Variants in HS6ST3 observed in about 807,000 individuals in gnomAD.
HS6ST3 encodes heparan sulfate 6-O-sulfotransferase 3.
In HS6ST3, 12 loss-of-function variants were observed where a neutral mutation model predicts 36.7. The observed-to-expected ratio is 0.33, with a 90% CI of 0.21 to 0.53. HS6ST3 has a LOEUF of 0.53. HS6ST3 is among the 20% of genes least tolerant of loss of function. The probability of loss-of-function intolerance (pLI) is 0.95; values close to 1 mark genes in which losing one functional copy is unlikely to be tolerated. For missense variants in HS6ST3, 584 were observed against 640.9 expected (o/e 0.91, Z 0.96); for synonymous variants, 240 against 257.5 (o/e 0.93, Z 0.65).
chr13:96,338,422 A>T (rs528656952), intron 1 of HS6ST3, among the ~76,000 whole-genome samples: 50 of 152,316 alleles, frequency 3.3e-4, no homozygotes, highest in African/African-American at 1.1e-3. Flanking sequence ...TGTACTGTAC[A>T]TCTCTGAGCT....
In HS6ST3 at chr13:96,539,830, G is replaced by C. The variant is rs543991544; in HGVS notation, c.708-292660G>C. ...GCCACGGTGGCTTCCTTTTGTATTT[G>C]GACACATCCGCTTGTTCTACCAGTT... On this transcript the variant is annotated intron_variant, in intron 1 of 1. Transcript: ENST00000376705. Among the ~76,000 whole-genome samples the C allele has an allele frequency of 1.0e-3, 156 of 152,230 alleles. 3 individuals are homozygous for C. The highest frequency in any genetic ancestry group is 3.2e-3 in the African/African-American group (131 of 41,542).
intron 1 of HS6ST3, among the ~76,000 whole-genome samples, chr13:96,135,769 G>A (rs568270430): frequency 6.6e-6 from 1 of 152,342 alleles, no homozygotes; most frequent in South Asian, 2.1e-4. Flanking sequence ...CCCACAGCCA[G>A]TGAATTAGGC....
At chr13:96,576,367 T>C (rs1234715237) in intron 1 of HS6ST3, among the ~76,000 whole-genome samples, 3 of 152,132 alleles carry the variant, frequency 2.0e-5, no homozygotes, top group African/African-American at 4.8e-5. Context: ...TGAGAATAAA[T>C]GTCTTGTTAA....
chr13:96,752,481 T>C (rs2138493415), intron 1 of HS6ST3, among the ~76,000 whole-genome samples: 1 of 152,348 alleles, frequency 6.6e-6, no homozygotes, highest in African/African-American at 2.4e-5. Context: ...AAGACGTTTT[T>C]ATTTTGCCTA....
intron 1 of HS6ST3, among the ~76,000 whole-genome samples, chr13:96,424,481 C>T (rs2055576707): frequency 6.6e-6 from 1 of 152,140 alleles, no homozygotes; most frequent in African/African-American, 2.4e-5. Context: ...ATCTTAGTCC[C>T]TTTGAGTTGC....
At chr13:96,288,951 G>T (rs970244891) in intron 1 of HS6ST3, among the ~76,000 whole-genome samples, 1 of 151,922 alleles carries the variant, frequency 6.6e-6, no homozygotes, top group African/African-American at 2.4e-5. Flanking sequence ...ATTGATGAGG[G>T]AAGTTTATAA....
rs766647704 is a variant in HS6ST3 at position 96,440,189 on chromosome 13, A to G, written c.707+348620A>G. Among the ~76,000 whole-genome samples, 3 of 152,172 alleles carry G rather than the reference A, an allele frequency of 2.0e-5. No homozygotes were observed. In the South Asian group the frequency reaches 6.2e-4, roughly 32 times the overall value. The stretch of plus-strand genomic sequence containing the variant: ...TGGCTGGATGCGGTGGCTCACGCCT[A>G]TAATCCCAGCACTTTGGGAGACCAA... On this transcript the variant is annotated intron_variant, in intron 1 of 1. Coordinates refer to ENST00000376705, the MANE Select transcript of HS6ST3 (RefSeq NM_153456.4).
chr13:96,502,941 C>T (rs766521264), intron 1 of HS6ST3, among the ~76,000 whole-genome samples: 9 of 152,122 alleles, frequency 5.9e-5, no homozygotes, highest in East Asian at 3.9e-4. Flanking sequence ...CACTGGTGTG[C>T]GCTTCCATCT....
At chr13:96,426,875 T>G (rs1330438960) in intron 1 of HS6ST3, among the ~76,000 whole-genome samples, 2 of 152,342 alleles carry the variant, frequency 1.3e-5, no homozygotes, top group East Asian at 3.9e-4. Context: ...TAAATATGAC[T>G]GCCTATCTTT....
At chr13:96,156,654 G>C (rs1344636950) in intron 1 of HS6ST3, among the ~76,000 whole-genome samples, 1 of 152,100 alleles carries the variant, frequency 6.6e-6, no homozygotes, top group African/African-American at 2.4e-5. Context: ...AAGAGGATTG[G>C]TTTATCAACT....
chr13:96,148,890 C>A (rs2054070485), intron 1 of HS6ST3, among the ~76,000 whole-genome samples: 1 of 152,098 alleles, frequency 6.6e-6, no homozygotes, highest in Non-Finnish European at 1.5e-5. Context: ...ATGGTGACTG[C>A]AAGGTGAAAT....
intron 1 of HS6ST3, among the ~76,000 whole-genome samples, chr13:96,234,566 A>G (rs1036796434): frequency 8.5e-5 from 13 of 152,094 alleles, no homozygotes; most frequent in Admixed American, 3.9e-4. Flanking sequence ...AGGAGCAAAG[A>G]CATGTCTTAC....
intron 1 of HS6ST3, among the ~76,000 whole-genome samples, chr13:96,268,287 A>C (rs12871644): frequency 6.6e-6 from 1 of 151,974 alleles, no homozygotes; most frequent in Non-Finnish European, 1.5e-5. Flanking sequence ...TCACAGTTCC[A>C]CAGGGCTGGG....
intron 1 of HS6ST3, among the ~76,000 whole-genome samples, chr13:96,408,071 C>G (rs184776494): frequency 2.4e-4 from 36 of 152,250 alleles, no homozygotes; most frequent in Admixed American, 1.8e-3. Flanking sequence ...TCCCGAGTAG[C>G]TGGGACTATA....
intron 1 of HS6ST3, among the ~76,000 whole-genome samples, chr13:96,366,433 A>G (rs1225442758): frequency 6.7e-6 from 1 of 148,844 alleles, no homozygotes; most frequent in African/African-American, 2.5e-5. Flanking sequence ...TGGGTGACAT[A>G]GCAAGACCTT....
intron 1 of HS6ST3, among the ~76,000 whole-genome samples, chr13:96,773,453 A>G (rs1362616667): frequency 6.6e-6 from 1 of 152,178 alleles, no homozygotes; most frequent in Non-Finnish European, 1.5e-5. Context: ...CCAGCACAGC[A>G]TTCTGAAGTC....
intron 1 of HS6ST3, among the ~76,000 whole-genome samples, chr13:96,645,451 A>T (rs914474318): frequency 1.3e-5 from 2 of 151,094 alleles, no homozygotes; most frequent in African/African-American, 4.9e-5. Context: ...AATACCTATG[A>T]TTCCTTTTAT....
intron 1 of HS6ST3, among the ~76,000 whole-genome samples, chr13:96,569,423 T>C (rs1366569027): frequency 6.6e-6 from 1 of 152,168 alleles, no homozygotes; most frequent in East Asian, 1.9e-4. Flanking sequence ...AGCAGAGAGA[T>C]GGAAAGAGCC....
rs1362244717 is a variant in HS6ST3, at chr13:96,578,734, GT to G, written c.708-253751del. The stretch of plus-strand genomic sequence containing the variant: ...ACCACCATGCCTGGCTAATTTTTTT[GT>G]TTTTAGTAGAGATGGCGTTTCACTA... On this transcript the variant is annotated intron_variant, in intron 1 of 1. Coordinates refer to ENST00000376705, the MANE Select transcript of HS6ST3 (RefSeq NM_153456.4). Among the ~76,000 whole-genome samples the G allele has an allele frequency of 3.9e-5, 6 of 151,942 alleles. No homozygotes were observed. In the East Asian group the frequency reaches 1.2e-3, roughly 30 times the overall value.
Sources: allele counts gnomAD v4.1 joint callset (sites outside exome capture counted in the v4.1 genomes callset), GRCh38; gene constraint gnomAD v4.1.1; transcripts MANE v1.5; gene names NCBI Gene and HGNC (gene_info 2026-07-23, HGNC 2026-07-21).